Variants in NXPH1 observed in about 807,000 individuals in gnomAD.
The protein encoded by NXPH1 is neurexophilin-1.
NXPH1 carries 5 observed loss-of-function variants against 23.7 expected under a neutral mutation model. The ratio of observed to expected loss-of-function variants is 0.21; its 90% CI spans 0.11 to 0.44. The LOEUF (loss-of-function observed/expected upper bound fraction) is 0.44, where lower values mean the gene tolerates loss of function less well. Among genes scored for constraint, NXPH1 ranks in the 20% least tolerant of loss-of-function variants. The pLI is 0.99. For synonymous variants in NXPH1, 144 were observed against 122.2 expected (o/e 1.18, Z -1.18); for missense variants, 324 against 321.6 (o/e 1.01, Z -0.06).
intron 2 of NXPH1, among the ~76,000 whole-genome samples, chr7:8,633,781 C>A (rs1820172288): frequency 6.6e-6 from 1 of 152,164 alleles, no homozygotes; most frequent in Admixed American, 6.5e-5. Flanking sequence ...GACAGTCTCT[C>A]TTGAGTTGAA....
chr7:8,443,212 C>A (rs1372354963), intron 2 of NXPH1, among the ~76,000 whole-genome samples: 1 of 152,240 alleles, frequency 6.6e-6, no homozygotes, highest in Non-Finnish European at 1.5e-5. Flanking sequence ...GAAACTCTTG[C>A]TTGCACCCCT....
rs568364031 is a variant in NXPH1 at position 8,614,168 on chromosome 7, G to A, written c.55-136840G>A. Among the ~76,000 whole-genome samples, 15 of 151,756 alleles carry A rather than the reference G, an allele frequency of 9.9e-5. No homozygotes were observed. The Middle Eastern group carries it at 0.014, about 138-fold the overall frequency. On this transcript the variant is annotated intron_variant, in intron 2 of 2. Transcript: ENST00000405863. ...TGGATGTGCCATAATTTATTGACTC[G>A]TCTCCCTTTGTTAGATAGATTATAT...
At chr7:8,566,030 T>C (rs576390678) in intron 2 of NXPH1, among the ~76,000 whole-genome samples, 2 of 151,898 alleles carry the variant, frequency 1.3e-5, no homozygotes, top group East Asian at 3.9e-4. Flanking sequence ...TACTCCAAAG[T>C]AGGTGGGATG....
chr7:8,456,389 A>G (rs1816593737), intron 2 of NXPH1, among the ~76,000 whole-genome samples: 1 of 152,192 alleles, frequency 6.6e-6, no homozygotes, highest in South Asian at 2.1e-4. Flanking sequence ...CAATAATTTC[A>G]GCAATTTTAC....
At chr7:8,689,808 C>G (rs750449899) in intron 2 of NXPH1, among the ~76,000 whole-genome samples, 37 of 152,266 alleles carry the variant, frequency 2.4e-4, no homozygotes, top group Middle Eastern at 3.4e-3. Flanking sequence ...ATCTATGGAT[C>G]TATCATGGAC....
chr7:8,560,828 G>C (rs191330455), intron 2 of NXPH1, among the ~76,000 whole-genome samples: 3 of 151,702 alleles, frequency 2.0e-5, no homozygotes, highest in South Asian at 4.1e-4. Context: ...ACCTCAATTT[G>C]CTAAGGTTTT....
chr7:8,742,566 T>A, intron 2 of NXPH1, among the ~76,000 whole-genome samples: 1 of 118,306 alleles, frequency 8.5e-6, no homozygotes, highest in Non-Finnish European at 2.0e-5. Context: ...TGAGATATTT[T>A]GTTAATTGGA....
At chr7:8,653,851 T>C (rs921452057) in intron 2 of NXPH1, among the ~76,000 whole-genome samples, 9 of 152,208 alleles carry the variant, frequency 5.9e-5, no homozygotes, top group African/African-American at 2.2e-4. Context: ...TTTCATTTCT[T>C]ACAATACATA....
At chr7:8,509,174 C>T (rs923216281) in intron 2 of NXPH1, among the ~76,000 whole-genome samples, 2 of 152,064 alleles carry the variant, frequency 1.3e-5, no homozygotes, top group Admixed American at 6.6e-5. Context: ...TTGAGGTGAA[C>T]TGCAAAACTT....
intron 2 of NXPH1, among the ~76,000 whole-genome samples, chr7:8,478,206 G>A (rs1254768689): frequency 6.6e-6 from 1 of 151,940 alleles, no homozygotes. Flanking sequence ...CATGGTGTAG[G>A]TTTCTTAACA....
intron 2 of NXPH1, among the ~76,000 whole-genome samples, chr7:8,577,090 T>G (rs893608309): frequency 1.3e-5 from 2 of 152,154 alleles, no homozygotes; most frequent in African/African-American, 4.8e-5. Flanking sequence ...TAATACTGTA[T>G]TAGTCAGGAA....
intron 2 of NXPH1, among the ~76,000 whole-genome samples, chr7:8,534,525 G>T (rs571693059): frequency 1.3e-5 from 2 of 152,188 alleles, no homozygotes; most frequent in African/African-American, 2.4e-5. Context: ...GGAGGCTCTG[G>T]AATGAAGGTA....
intron 2 of NXPH1, among the ~76,000 whole-genome samples, chr7:8,635,538 T>C (rs190139732): frequency 6.6e-6 from 1 of 152,296 alleles, no homozygotes; most frequent in East Asian, 1.9e-4. Flanking sequence ...AGGGCAATGT[T>C]ATGGGTATAG....
At chr7:8,591,572 CT>C in intron 2 of NXPH1, among the ~76,000 whole-genome samples, 1 of 152,168 alleles carries the variant, frequency 6.6e-6, no homozygotes, top group Middle Eastern at 3.4e-3. Flanking sequence ...GAACATTCTT[CT>C]TCTCCCTTAA....
At chr7:8,497,583 G>A (rs1337544837) in intron 2 of NXPH1, among the ~76,000 whole-genome samples, 14 of 152,050 alleles carry the variant, frequency 9.2e-5, no homozygotes, top group Non-Finnish European at 2.9e-5. Context: ...ATCTCATTGT[G>A]GTTTTGATTT....
intron 2 of NXPH1, among the ~76,000 whole-genome samples, chr7:8,747,342 T>A (rs988599671): frequency 6.6e-5 from 10 of 152,228 alleles, no homozygotes; most frequent in Admixed American, 2.0e-4. Flanking sequence ...CAGAGGAGTC[T>A]TAGCAACTTT....
chr7:8,742,126 G>A (rs1290512572), intron 2 of NXPH1, among the ~76,000 whole-genome samples: 2 of 152,056 alleles, frequency 1.3e-5, no homozygotes, highest in Non-Finnish European at 2.9e-5. Flanking sequence ...TTTGCAGAGA[G>A]AAAAAGCAAA....
At chr7:8,471,811 A>C (rs1047825272) in intron 2 of NXPH1, among the ~76,000 whole-genome samples, 2 of 152,112 alleles carry the variant, frequency 1.3e-5, no homozygotes, top group African/African-American at 4.8e-5. Flanking sequence ...TTGTTCAACT[A>C]TACAGGAGAG....
At chr7:8,707,723 G>T (rs1316021431) in intron 2 of NXPH1, among the ~76,000 whole-genome samples, 1 of 152,076 alleles carries the variant, frequency 6.6e-6, no homozygotes, top group Non-Finnish European at 1.5e-5. Flanking sequence ...TCTAGGATTT[G>T]CTAGCTGTGT....
Sources: gnomAD v4.1 joint callset for allele counts (sites outside exome capture counted in the v4.1 genomes callset) on GRCh38, gnomAD v4.1.1 for gene constraint, MANE v1.5 for transcripts, NCBI Gene and HGNC (gene_info 2026-07-23, HGNC 2026-07-21) for gene names.